Variants in TMPRSS2 observed in about 807,000 individuals in gnomAD.
TMPRSS2 encodes the protein transmembrane serine protease 2.
Under a neutral mutation model 67.4 loss-of-function variants are expected in TMPRSS2, and 59 were observed. That is an observed-to-expected ratio of 0.88 (90% confidence interval 0.71 to 1.09). TMPRSS2 has a LOEUF of 1.09. Ranked by LOEUF, TMPRSS2 falls within the 50% of genes least tolerant of loss-of-function variation. The pLI is 0.00. For missense variants in TMPRSS2, 668 were observed against 642.7 expected (o/e 1.04, Z -0.43); for synonymous variants, 257 against 257.0 (o/e 1.00, Z 0.00).
At chr21:41,469,991 C>T (rs759157024) in intron 11 of TMPRSS2, among the ~76,000 whole-genome samples, 4 of 152,230 alleles carry the variant, frequency 2.6e-5, no homozygotes, top group Non-Finnish European at 5.9e-5. Flanking sequence ...CCCTGACGCT[C>T]CCCAGAAATC....
At chr21:41,483,572 A>G (rs2091273426) in intron 5 of TMPRSS2, among the ~76,000 whole-genome samples, 1 of 148,856 alleles carries the variant, frequency 6.7e-6, no homozygotes, top group African/African-American at 2.5e-5. Context: ...CGGGGATTAC[A>G]GGCGTGAGCC....
intron 11 of TMPRSS2, among the ~76,000 whole-genome samples, chr21:41,470,157 T>C (rs1274372866): frequency 3.3e-5 from 5 of 152,202 alleles, no homozygotes; most frequent in Non-Finnish European, 7.3e-5. Context: ...CCAGGCTCCC[T>C]TCATTTGAAA....
chr21:41,506,069 T>A (rs910513461), intron 1 of TMPRSS2, among the ~76,000 whole-genome samples: 2 of 152,194 alleles, frequency 1.3e-5, no homozygotes, highest in African/African-American at 2.4e-5. Flanking sequence ...TGGTTATTAT[T>A]ATAATGCCAG....
chr21:41,495,916 A>T (rs199934444), intron 2 of TMPRSS2, among the ~76,000 whole-genome samples: 13 of 91,086 alleles, frequency 1.4e-4, no homozygotes, highest in Non-Finnish European at 2.2e-4. Flanking sequence ...CTTTAAAATT[A>T]AAAAAAAAAA....
intron 3 of TMPRSS2, among the ~76,000 whole-genome samples, chr21:41,491,344 A>T (rs991815159): frequency 1.3e-5 from 2 of 151,824 alleles, no homozygotes; most frequent in Admixed American, 6.6e-5. Flanking sequence ...ATGAGGTTTC[A>T]CCATGTTTCC....
chr21:41,481,570 A>G (rs1277910154), intron 5 of TMPRSS2, among the ~76,000 whole-genome samples: 1 of 152,192 alleles, frequency 6.6e-6, no homozygotes, highest in Non-Finnish European at 1.5e-5. Flanking sequence ...ATAGTTGCAC[A>G]TATTCGTGAA....
chr21:41,472,335 T>C (rs114844880), intron 9 of TMPRSS2, among the ~76,000 whole-genome samples: 153 of 152,328 alleles, frequency 1.0e-3, no homozygotes, highest in African/African-American at 3.4e-3. Flanking sequence ...TGGCACATGG[T>C]AGGTGCTTAA....
At chr21:41,491,407 A>G (rs1037775002) in intron 3 of TMPRSS2, among the ~76,000 whole-genome samples, 2 of 152,076 alleles carry the variant, frequency 1.3e-5, no homozygotes, top group African/African-American at 4.8e-5. Context: ...TCAGCCTCTC[A>G]AAGTGCTGGG....
chr21:41,488,596 C>T (rs1335608857), intron 4 of TMPRSS2, 83 bp from the exon 5 acceptor site: 5 of 1,443,092 alleles, frequency 3.5e-6, no homozygotes, highest in Middle Eastern at 1.8e-4. Context: ...CGTGGCATTA[C>T]TGTAGCTCGC....
chr21:41,507,840 C>T (rs2146520532), intron 1 of TMPRSS2: 1 of 1,241,520 alleles, frequency 8.1e-7, no homozygotes, highest in Non-Finnish European at 1.1e-6. Flanking sequence ...ACAGGGGCGG[C>T]GAGGGCTCTC....
Position 41,468,454 on chromosome 21 carries a change from A to C in TMPRSS2, c.1256T>G (p.Leu419Arg), listed in dbSNP as rs943194436. 3 of 1,614,060 alleles carry C rather than the reference A, an allele frequency of 1.9e-6. No individual in the cohort carries two copies. The highest frequency in any genetic ancestry group is 2.7e-5 in the African/African-American group (2 of 74,928). ...RCNSRYVYDNLITPAMICAGF... is the reference protein window; with the variant it reads ...RCNSRYVYDNRITPAMICAGF... The stretch of plus-strand genomic sequence containing the variant: ...GGCACAGATCATGGCTGGTGTGATC[A>C]GGTTGTCATAGACATATCTGCTGTT... Residue 419 changes from leucine (L) to arginine (R), a missense_variant, in exon 12 of 14, where the codon CTG becomes CGG. Transcript: ENST00000332149.
intron 8 of TMPRSS2, among the ~76,000 whole-genome samples, chr21:41,475,612 G>GGTGAGTGAGGGTTGAGGGA (rs2091203842): frequency 4.4e-5 from 1 of 22,862 alleles, no homozygotes; most frequent in East Asian, 6.0e-4. Flanking sequence ...AGAGTGAGGA[G>GGTGAGTGAGGGTTGAGGGA]GTGAGGAGGT....
In TMPRSS2 at chr21:41,488,567, C is replaced by A. The variant is rs3819138; in HGVS notation, c.326-54G>T. The A allele has an allele frequency of 3.7e-5, 57 of 1,559,792 alleles. No homozygotes were observed. In the East Asian group the frequency reaches 1.2e-3, roughly 32 times the overall value. On this transcript the variant is annotated intron_variant, in intron 4 of 13. Transcript: ENST00000332149. Reference sequence around the variant, plus strand: ...CTTCAGGCTGAGAAACGCAATGAGCCTCATGGAGTGAGGAACACCGTGGCA... The same window carrying A: ...CTTCAGGCTGAGAAACGCAATGAGCATCATGGAGTGAGGAACACCGTGGCA...
Position 41,470,662 on chromosome 21 carries a change from G to A in TMPRSS2, c.1157C>T (p.Ala386Val), listed in dbSNP as rs758880900. The A allele has an allele frequency of 6.2e-7, 1 of 1,613,266 alleles. No individual in the cohort carries two copies. Among genetic ancestry groups the A allele is most frequent in the Non-Finnish European group, 8.5e-7 (1 of 1,179,890 alleles). ...AGCAGCCTCACCTTTCTCCTCGGTG[G>A]CCCCCCACCCGGAAATCCAGCAGAG... ...EQLCWISGWG[A>V]TEEKGKTSEV... Residue 386 changes from alanine to valine, a missense_variant, in exon 11 of 14, where the codon GCC (alanine) becomes GTC (valine). Ala to Val is a moderately conservative substitution (Grantham distance 64, BLOSUM62 0). Coordinates refer to ENST00000332149, the MANE Select transcript of TMPRSS2 (RefSeq NM_005656.4).
intron 1 of TMPRSS2, chr21:41,506,598 G>C (rs1031781977): frequency 2.6e-5 from 4 of 152,274 alleles, no homozygotes; most frequent in Non-Finnish European, 5.9e-5. Flanking sequence ...AGCAGCTCAG[G>C]AGCCAGGACT....
rs1483490966 is a variant in TMPRSS2, at chr21:41,488,382, A to G, written c.445+12T>C. 6.2e-7 allele frequency: 1 copy of G among 1,609,874 alleles called. No homozygotes were observed. Among genetic ancestry groups the G allele is most frequent in the South Asian group, 1.1e-5 (1 of 90,932 alleles). On this transcript the variant is annotated intron_variant, in intron 5 of 13. Transcript: ENST00000332149. ...GCAGAGGAGTCCCTTCCCAAGGTCA[A>G]GGCTGACTCACCACACCGATTCTCG...
chr21:41,490,226 A>G (rs537212420), intron 3 of TMPRSS2, among the ~76,000 whole-genome samples: 1 of 152,112 alleles, frequency 6.6e-6, no homozygotes, highest in Admixed American at 6.5e-5. Context: ...AAAAAGAACT[A>G]AGACCTCATC....
Position 41,480,470 on chromosome 21 carries a change from A to G in TMPRSS2, c.572+6T>C. 1 of 1,612,778 alleles carries G rather than the reference A, an allele frequency of 6.2e-7. No individual in the cohort carries two copies. ...TGTCACTCGGCGGGTGCTGCCCCAT[A>G]CTCACTTATAGCCCATGTCCCTGCA... On this transcript the variant is annotated splice_donor_region_variant and intron_variant, in intron 6 of 13. Transcript: ENST00000332149.
chr21:41,471,921 CATGAAAG>C lies in TMPRSS2; in HGVS notation c.953_959del (p.Ser318CysfsTer9). On this transcript the variant is annotated frameshift_variant, in exon 10 of 14. Transcript: ENST00000332149. LOFTEE classifies it high-confidence loss of function. The stretch of plus-strand genomic sequence containing the variant: ...CTACTTGGTATCCGGCTCCATAGAA[CATGAAAG>C]ATTGTCTCAAAATCCCCGCAAATGC... 1 of 1,613,322 alleles carries C rather than the reference CATGAAAG, an allele frequency of 6.2e-7. No individual in the cohort carries two copies. Among genetic ancestry groups the C allele is most frequent in the South Asian group, 1.1e-5 (1 of 91,060 alleles).
Sources: gnomAD v4.1 joint callset for allele counts (sites outside exome capture counted in the v4.1 genomes callset) on GRCh38, gnomAD v4.1.1 for gene constraint, MANE v1.5 for transcripts, NCBI Gene and HGNC (gene_info 2026-07-23, HGNC 2026-07-21) for gene names.